The following SCN3B variants were observed in gnomAD, a reference collection of about 807,000 sequenced individuals.
The protein encoded by SCN3B is sodium voltage-gated channel beta subunit 3.
In SCN3B, 11 loss-of-function variants were observed where a neutral mutation model predicts 25.4. The observed-to-expected ratio is 0.43, with a 90% CI of 0.27 to 0.72. The LOEUF (loss-of-function observed/expected upper bound fraction) is 0.72, where lower values mean the gene tolerates loss of function less well. SCN3B is among the 30% of genes least tolerant of loss of function. The pLI is 0.18. For missense variants in SCN3B, 218 were observed against 278.3 expected (o/e 0.78, Z 1.54); for synonymous variants, 109 against 110.7 (o/e 0.99, Z 0.09).
intron 5 of SCN3B, among the ~76,000 whole-genome samples, chr11:123,636,069 C>G (rs186194396): frequency 6.6e-6 from 1 of 152,164 alleles, no homozygotes; most frequent in African/African-American, 2.4e-5. Flanking sequence ...TACTCTCCAT[C>G]TAGTTACGTT....
rs1703573574 is a variant in SCN3B, at chr11:123,629,460, A to G, written c.*4339T>C. On this transcript the variant is annotated 3_prime_UTR_variant, in exon 7 of 7. Transcript: ENST00000299333. Reference sequence around the variant, plus strand: ...CTGAGGGTCAGCTGGCCTGGGATGGAGACCGAGTTTGATATATAAATCAGA... The same window carrying G: ...CTGAGGGTCAGCTGGCCTGGGATGGGGACCGAGTTTGATATATAAATCAGA... The G allele has an allele frequency of 1.3e-5, 2 of 152,258 alleles. 1 individual carries two copies. Among genetic ancestry groups the G allele is most frequent in the South Asian group, 4.1e-4 (2 of 4,830 alleles). The allele number at this position is 152,258 out of a possible 1,614,324, so 9.4% of individuals were successfully genotyped here.
At chr11:123,651,428 A>G (rs1955924621) in intron 2 of SCN3B, among the ~76,000 whole-genome samples, 1 of 152,002 alleles carries the variant, frequency 6.6e-6, no homozygotes, top group Admixed American at 6.6e-5. Context: ...CAGTGGCACA[A>G]TCTTGGCTCA....
chr11:123,646,731 C>T (rs1331630330), intron 2 of SCN3B, among the ~76,000 whole-genome samples: 6 of 152,100 alleles, frequency 3.9e-5, no homozygotes, highest in Non-Finnish European at 8.8e-5. Context: ...ATAACTTGAG[C>T]GGGACAAGGC....
Position 123,643,256 on chromosome 11 carries a change from C to T in SCN3B, c.220-585G>A, listed in dbSNP as rs1035175055. Among the ~76,000 whole-genome samples the T allele has an allele frequency of 1.6e-4, 25 of 152,336 alleles. 1 individual carries two copies. Among genetic ancestry groups the T allele is most frequent in the African/African-American group, 4.8e-4 (20 of 41,582 alleles). On this transcript the variant is annotated intron_variant, in intron 3 of 6. Transcript: ENST00000299333. ...AGGAAGGAGGCCCAGGATGCTGAAGCATGGCAGATGAGCAGAGAGCCATCA... is the reference window on the plus strand; with the variant it reads ...AGGAAGGAGGCCCAGGATGCTGAAGTATGGCAGATGAGCAGAGAGCCATCA...
At position 123,645,633 on chromosome 11, in the gene SCN3B, G is replaced by A. The variant is rs771250397; in HGVS notation, c.173C>T (p.Thr58Met). 5.0e-6 allele frequency: 8 copies of A among 1,614,128 alleles called. No individual in the cohort carries two copies. Among genetic ancestry groups the A allele is most frequent in the Non-Finnish European group, 6.8e-6 (8 of 1,180,010 alleles). Residue 58 changes from threonine to methionine, a missense_variant, in exon 3 of 7, where the codon ACG becomes ATG. Coordinates refer to ENST00000299333, the MANE Select transcript of SCN3B (RefSeq NM_001040151.2). ...GGGCCTGTAGAACCATTCCACCACC[G>A]TGGTGGCCTCCACCTCCTCTCTCTT... ...CMKREEVEAT[T>M]VVEWFYRPEG...
At chr11:123,649,150 G>C (rs960072265) in intron 2 of SCN3B, among the ~76,000 whole-genome samples, 3 of 152,210 alleles carry the variant, frequency 2.0e-5, no homozygotes, top group Non-Finnish European at 4.4e-5. Context: ...GAGTTTGAAA[G>C]AAATGAAATG....
chr11:123,648,723 G>T (rs1021915915), intron 2 of SCN3B, among the ~76,000 whole-genome samples: 2 of 152,172 alleles, frequency 1.3e-5, no homozygotes, highest in Non-Finnish European at 2.9e-5. Flanking sequence ...CTGTGTGAAG[G>T]CATGTCAAAC....
Position 123,632,489 on chromosome 11 carries a change from T to C in SCN3B, c.*1310A>G, listed in dbSNP as rs1565493073. The C allele has an allele frequency of 6.6e-6, 1 of 152,198 alleles. No homozygotes were observed. The highest frequency in any genetic ancestry group is 1.5e-5 in the Non-Finnish European group (1 of 68,038). 9.4% of individuals were successfully genotyped at this position (152,198 alleles called of 1,614,324 possible). ...ATAGACAAGTTCAATGTCAGTCTTT[T>C]CAGAAACAAAGTTATCCACCGGGCG... On this transcript the variant is annotated 3_prime_UTR_variant, in exon 7 of 7. Transcript: ENST00000299333.
At chr11:123,643,181 C>G (rs892432516) in intron 3 of SCN3B, among the ~76,000 whole-genome samples, 3 of 152,318 alleles carry the variant, frequency 2.0e-5, no homozygotes, top group African/African-American at 4.8e-5. Context: ...AAACTGGACT[C>G]TCTGTGCTGG....
rs3851102 is a variant in SCN3B, at chr11:123,653,703, G to A, written c.55+44C>T. ...TCAATGTGTTATTATTGTTAGCATT[G>A]TTACTGTTACCTGCATCCGGCATGG... On this transcript the variant is annotated intron_variant, in intron 2 of 6. Transcript: ENST00000299333. The A allele has an allele frequency of 0.14, 226,775 of 1,603,392 alleles. 16,783 individuals are homozygous for A. Among genetic ancestry groups the A allele is most frequent in the Admixed American group, 0.23 (13,691 of 59,986 alleles).
In SCN3B at chr11:123,653,842, C is replaced by A. The variant is rs1053236139; in HGVS notation, c.-25-16G>T. 6.2e-7 allele frequency: 1 copy of A among 1,609,870 alleles called. No individual in the cohort carries two copies. Among genetic ancestry groups the A allele is most frequent in the Middle Eastern group, 1.7e-4 (1 of 6,054 alleles). On this transcript the variant is annotated splice_polypyrimidine_tract_variant and intron_variant, in intron 1 of 6. Coordinates refer to ENST00000299333, the MANE Select transcript of SCN3B (RefSeq NM_001040151.2). ...GCTTCCAAGGCTACACAGAGAGATT[C>A]CCTCGGTCAAGGACTGCGCCCTCTC... is the stretch of plus-strand genomic sequence containing the variant.
chr11:123,636,302 A>C (rs942963446), intron 5 of SCN3B, among the ~76,000 whole-genome samples: 4 of 152,094 alleles, frequency 2.6e-5, no homozygotes, highest in African/African-American at 9.7e-5. Flanking sequence ...CCTTGTCCTA[A>C]TAGTATTTTT....
chr11:123,638,403 C>T, intron 4 of SCN3B, 79 bp from the exon 5 acceptor site: 1 of 1,564,810 alleles, frequency 6.4e-7, no homozygotes, highest in Non-Finnish European at 8.7e-7. Context: ...TTTTTAAGTA[C>T]AGCTTAAATA....
rs374062139 is a variant in SCN3B, at chr11:123,642,759, A to C, written c.220-88T>G. ...AGTTAGGGACAGGGCAGAGAAAAGG[A>C]GCAGAATTGTGCATGGACAGGGAAG... On this transcript the variant is annotated intron_variant, in intron 3 of 6. Transcript: ENST00000299333. The surrounding 1 kb of genome is among the most constrained non-coding windows in gnomAD (Gnocchi z 4.3). 1.0e-6 allele frequency: 1 copy of C among 995,704 alleles called. No individual in the cohort carries two copies. Among genetic ancestry groups the C allele is most frequent in the Non-Finnish European group, 1.6e-6 (1 of 642,572 alleles). The allele number at this position is 995,704 out of a possible 1,614,324, so 61.7% of individuals were successfully genotyped here.
chr11:123,637,930 T>A (rs1356951916), intron 5 of SCN3B, among the ~76,000 whole-genome samples: 1 of 152,202 alleles, frequency 6.6e-6, no homozygotes, highest in Non-Finnish European at 1.5e-5. Flanking sequence ...AATTCAAACA[T>A]CACTTTGTTT....
At chr11:123,649,862 C>T (rs553765504) in intron 2 of SCN3B, among the ~76,000 whole-genome samples, 3 of 152,186 alleles carry the variant, frequency 2.0e-5, no homozygotes, top group East Asian at 1.9e-4. Context: ...TGCCATCACG[C>T]CCAGCTAATT....
chr11:123,648,447 T>C (rs1307434607), intron 2 of SCN3B, among the ~76,000 whole-genome samples: 1 of 152,224 alleles, frequency 6.6e-6, no homozygotes, highest in Non-Finnish European at 1.5e-5. Context: ...ATTTCCCAAA[T>C]ATACTGAGTG....
At position 123,631,193 on chromosome 11, in the gene SCN3B, A is replaced by G. The variant is rs567913457; in HGVS notation, c.*2606T>C. ...GTGATAGATACCATTCAGCTTCATTAAAAGCCACGCAAGCAGCATCTGAGT... is the reference window on the plus strand; with the variant it reads ...GTGATAGATACCATTCAGCTTCATTGAAAGCCACGCAAGCAGCATCTGAGT... On this transcript the variant is annotated 3_prime_UTR_variant, in exon 7 of 7. Transcript: ENST00000299333. 1.3e-5 allele frequency: 2 copies of G among 152,316 alleles called. No individual in the cohort carries two copies. Among genetic ancestry groups the G allele is most frequent in the East Asian group, 3.9e-4 (2 of 5,188 alleles). The allele number at this position is 152,316 out of a possible 1,614,324, so 9.4% of individuals were successfully genotyped here. A position where few individuals can be genotyped will look rare whatever the true frequency, so the allele number is the denominator to read the frequency against.
At chr11:123,644,765 T>C (rs1591347348) in intron 3 of SCN3B, among the ~76,000 whole-genome samples, 2 of 74,814 alleles carry the variant, frequency 2.7e-5, no homozygotes, top group African/African-American at 5.7e-5. Context: ...GGAGACCCCG[T>C]TGAGAGAGAG....
Sources: allele counts gnomAD v4.1 joint callset (sites outside exome capture counted in the v4.1 genomes callset), GRCh38; gene constraint gnomAD v4.1.1; non-coding constraint Gnocchi (gnomAD v3.1); transcripts MANE v1.5; gene names NCBI Gene and HGNC (gene_info 2026-07-23, HGNC 2026-07-21).